The following RGS7 variants were observed in gnomAD, a reference collection of about 807,000 sequenced individuals.
RGS7 encodes regulator of G-protein signaling 7.
Under a neutral mutation model 81.1 loss-of-function variants are expected in RGS7, and 27 were observed. The observed-to-expected ratio is 0.33, with a 90% CI of 0.25 to 0.46. RGS7 has a LOEUF of 0.46. Among genes scored for constraint, RGS7 ranks in the 20% least tolerant of loss-of-function variants. The probability of loss-of-function intolerance (pLI) is 1.00; values close to 1 mark genes in which losing one functional copy is unlikely to be tolerated. For synonymous variants in RGS7, 208 were observed against 207.7 expected, an observed-to-expected ratio of 1.00 and a Z score of -0.01; for missense variants, 396 against 607.4, an observed-to-expected ratio of 0.65 and a Z score of 3.66.
chr1:241,172,422 G>A (rs1382827900), intron 2 of RGS7, among the ~76,000 whole-genome samples: 2 of 152,146 alleles, frequency 1.3e-5, no homozygotes, highest in Non-Finnish European at 2.9e-5. Context: ...AAAAATAAGA[G>A]CATCTTAAAA....
chr1:240,853,692 G>T (rs1419526151), intron 9 of RGS7, among the ~76,000 whole-genome samples: 6 of 151,918 alleles, frequency 3.9e-5, no homozygotes, highest in Non-Finnish European at 8.8e-5. Flanking sequence ...GATCACGAGG[G>T]CAGGAGGAGA....
rs564558059 is a variant in RGS7, at chr1:241,267,118, T to C, written c.78+88581A>G. ...ACCTGTCCTCAGATGTGCCGTGAGA[T>C]TGGGTGTCTTACTTCAGGATCCTAG... On this transcript the variant is annotated intron_variant, in intron 2 of 18. Coordinates refer to ENST00000440928, the MANE Select transcript of RGS7 (RefSeq NM_001364886.1). Among the ~76,000 whole-genome samples, 96 of 152,258 alleles carry C rather than the reference T, an allele frequency of 6.3e-4. 1 individual carries two copies. The highest frequency in any genetic ancestry group is 3.4e-3 in the Middle Eastern group (1 of 294).
chr1:240,850,001 G>T (rs995477568), intron 9 of RGS7, among the ~76,000 whole-genome samples: 1 of 152,174 alleles, frequency 6.6e-6, no homozygotes, highest in African/African-American at 2.4e-5. Context: ...TAAAGAGTAT[G>T]GGTCCTGGGA....
At chr1:241,012,597 G>A (rs2059013411) in intron 3 of RGS7, among the ~76,000 whole-genome samples, 1 of 152,122 alleles carries the variant, frequency 6.6e-6, no homozygotes, top group African/African-American at 2.4e-5. Flanking sequence ...ACAGTGAAGG[G>A]GACCAAAATA....
rs574740681 is a variant in RGS7, at chr1:241,098,169, C to G, written c.175+497G>C. Among the ~76,000 whole-genome samples the G allele has an allele frequency of 5.4e-4, 82 of 152,250 alleles. 3 individuals are homozygous for G. The South Asian group carries it at 0.017, about 31-fold the overall frequency. On this transcript the variant is annotated intron_variant, in intron 3 of 18. Coordinates refer to ENST00000440928, the MANE Select transcript of RGS7 (RefSeq NM_001364886.1). ...GATTCTTTGGCTAGCTTTCACAGAC[C>G]CTCATAACCTGACCCAAGTTCTCTA...
At chr1:241,134,224 A>G (rs2067323613) in intron 2 of RGS7, among the ~76,000 whole-genome samples, 1 of 152,222 alleles carries the variant, frequency 6.6e-6, no homozygotes, top group Admixed American at 6.5e-5. Context: ...CCAACGAAGA[A>G]CAGCCATCCT....
chr1:240,774,897 T>C (rs1210360310), downstream of RGS7, among the ~76,000 whole-genome samples: 2 of 152,168 alleles, frequency 1.3e-5, no homozygotes, highest in Non-Finnish European at 1.5e-5. Flanking sequence ...TAACAACTAA[T>C]AGCATTTACA....
chr1:240,907,412 AAAAT>A (rs1395955656), intron 6 of RGS7, among the ~76,000 whole-genome samples: 4 of 151,990 alleles, frequency 2.6e-5, no homozygotes, highest in African/African-American at 4.8e-5. Flanking sequence ...AAATAGAAAT[AAAAT>A]AAATAAAATA....
intron 2 of RGS7, among the ~76,000 whole-genome samples, chr1:241,266,099 G>T (rs531549751): frequency 3.3e-5 from 5 of 152,070 alleles, no homozygotes; most frequent in Non-Finnish European, 7.4e-5. Flanking sequence ...TGGCCTCCCT[G>T]CTTTTTAGCA....
At chr1:241,050,561 A>C (rs559383000) in intron 3 of RGS7, among the ~76,000 whole-genome samples, 1 of 152,254 alleles carries the variant, frequency 6.6e-6, no homozygotes, top group South Asian at 2.1e-4. Flanking sequence ...AGCTTGATTC[A>C]TAACTTTGAA....
intron 3 of RGS7, among the ~76,000 whole-genome samples, chr1:241,055,682 CCAAT>C (rs1239606030): frequency 6.6e-6 from 1 of 152,142 alleles, no homozygotes; most frequent in African/African-American, 2.4e-5. Context: ...CAGGAGCTAC[CCAAT>C]CATTTTGGAT....
chr1:241,030,385 T>TATATATATATATATATATATAC, intron 3 of RGS7, among the ~76,000 whole-genome samples: 1 of 136,202 alleles, frequency 7.3e-6, no homozygotes, highest in South Asian at 2.3e-4. Context: ...CATACACACA[T>TATATATATATATATATATATAC]ACATACACAC....
intron 2 of RGS7, among the ~76,000 whole-genome samples, chr1:241,276,024 A>G (rs2078176766): frequency 6.6e-6 from 1 of 152,220 alleles, no homozygotes; most frequent in Non-Finnish European, 1.5e-5. Flanking sequence ...GTGCCATGCT[A>G]ACAGATGAGA....
intron 3 of RGS7, among the ~76,000 whole-genome samples, chr1:240,985,216 C>T (rs891188497): frequency 6.6e-6 from 1 of 152,224 alleles, no homozygotes; most frequent in East Asian, 1.9e-4. Context: ...CCCAGATACA[C>T]AAATCTTCCG....
chr1:241,210,153 A>AT (rs1181238563), intron 2 of RGS7, among the ~76,000 whole-genome samples: 1 of 151,740 alleles, frequency 6.6e-6, no homozygotes, highest in Non-Finnish European at 1.5e-5. Flanking sequence ...ATATATATAT[A>AT]TATTTTTTCT....
At chr1:241,194,086 G>A (rs1254870069) in intron 2 of RGS7, among the ~76,000 whole-genome samples, 1 of 152,152 alleles carries the variant, frequency 6.6e-6, no homozygotes, top group Non-Finnish European at 1.5e-5. Context: ...ATATTCGTTA[G>A]ACAGCACAAT....
intron 11 of RGS7, 93 bp downstream of exon 11, chr1:240,816,224 C>G: frequency 1.2e-6 from 1 of 810,832 alleles, no homozygotes; most frequent in South Asian, 1.4e-5. Context: ...ATACAAATAA[C>G]CTATAAAAAT....
chr1:241,283,222 C>G (rs1439343210), intron 2 of RGS7, among the ~76,000 whole-genome samples: 1 of 152,162 alleles, frequency 6.6e-6, no homozygotes, highest in African/African-American at 2.4e-5. Flanking sequence ...TTTAACAATA[C>G]TTTCACTTAC....
At chr1:240,987,492 T>G (rs1163700535) in intron 3 of RGS7, among the ~76,000 whole-genome samples, 2 of 151,946 alleles carry the variant, frequency 1.3e-5, no homozygotes, top group East Asian at 3.9e-4. Flanking sequence ...TCATAAATAA[T>G]CCTTAATCCA....
Sources: gnomAD v4.1 joint callset for allele counts (sites outside exome capture counted in the v4.1 genomes callset) on GRCh38, gnomAD v4.1.1 for gene constraint, MANE v1.5 for transcripts, NCBI Gene and HGNC (gene_info 2026-07-23, HGNC 2026-07-21) for gene names.